RERE: variants seen among roughly 807,000 people sequenced by gnomAD.
RERE encodes the protein arginine-glutamic acid dipeptide repeats, also known as arginine-glutamic acid dipeptide repeats protein.
RERE carries 40 observed loss-of-function variants against 146.1 expected under a neutral mutation model. The observed-to-expected ratio is 0.27, with a 90% CI of 0.21 to 0.36. The LOEUF is 0.36. Among genes scored for constraint, RERE ranks in the 10% least tolerant of loss-of-function variants. The probability of loss-of-function intolerance (pLI) is 1.00; values close to 1 mark genes in which losing one functional copy is unlikely to be tolerated. For synonymous variants in RERE, 1,003 were observed against 866.0 expected, an observed-to-expected ratio of 1.16 and a Z score of -2.78; for missense variants, 1,933 against 2,138.7, an observed-to-expected ratio of 0.90 and a Z score of 1.90.
chr1:8,630,148 C>T (rs1250200410), intron 2 of RERE, among the ~76,000 whole-genome samples: 1 of 152,144 alleles, frequency 6.6e-6, no homozygotes, highest in Non-Finnish European at 1.5e-5. Context: ...CCTCCATTTT[C>T]CAAGACACAC....
intron 1 of RERE, among the ~76,000 whole-genome samples, chr1:8,765,620 A>C (rs1235738324): frequency 6.6e-6 from 1 of 152,124 alleles, no homozygotes; most frequent in East Asian, 1.9e-4. Context: ...GGAGTTCAAA[A>C]CCAGCCAGGT....
At chr1:8,401,423 CAG>C (rs1643260420) in intron 12 of RERE, among the ~76,000 whole-genome samples, 1 of 151,726 alleles carries the variant, frequency 6.6e-6, no homozygotes, top group South Asian at 2.1e-4. Context: ...GCCTGCGCAA[CAG>C]AGTGAGAACC....
chr1:8,811,381 A>G (rs1038860578), intron 1 of RERE, among the ~76,000 whole-genome samples: 7 of 152,154 alleles, frequency 4.6e-5, no homozygotes, highest in African/African-American at 1.7e-4. Context: ...CCAAGGTAGG[A>G]GGATCACTTG....
At chr1:8,793,893 A>G (rs1369634909) in intron 1 of RERE, among the ~76,000 whole-genome samples, 1 of 151,672 alleles carries the variant, frequency 6.6e-6, no homozygotes, top group Non-Finnish European at 1.5e-5. Context: ...GCAAAACCTC[A>G]TCTCTACTAA....
At chr1:8,467,042 C>T (rs1369033397) in intron 10 of RERE, among the ~76,000 whole-genome samples, 1 of 152,200 alleles carries the variant, frequency 6.6e-6, no homozygotes, top group South Asian at 2.1e-4. Flanking sequence ...CTAAGACTTG[C>T]ATCTCCAGTG....
chr1:8,797,639 T>A (rs1054508153), intron 1 of RERE, among the ~76,000 whole-genome samples: 5 of 152,250 alleles, frequency 3.3e-5, no homozygotes, highest in Non-Finnish European at 7.3e-5. Context: ...CTTCAGGTTT[T>A]ATATTTAAAA....
rs1570014378 is a variant in RERE, at chr1:8,356,389, G to A, written c.4340-143C>T. On this transcript the variant is annotated intron_variant, in intron 20 of 22. Transcript: ENST00000400908. This position sits in a 1 kb window ranked among gnomAD's most constrained non-coding sequence, Gnocchi z 5.2. ...CTGGATGCACCACCTGGCTACAGGT[G>A]GCCCTGCCCCAAAGTGGCTGCCTCC... The A allele has an allele frequency of 2.0e-6, 2 of 988,104 alleles. No individual in the cohort carries two copies. Among genetic ancestry groups the A allele is most frequent in the East Asian group, 3.3e-5 (1 of 30,318 alleles). 61.2% of individuals were successfully genotyped at this position (988,104 alleles called of 1,614,324 possible).
intron 10 of RERE, among the ~76,000 whole-genome samples, chr1:8,481,222 T>A (rs1644829751): frequency 6.6e-6 from 1 of 152,188 alleles, no homozygotes; most frequent in Non-Finnish European, 1.5e-5. Flanking sequence ...GTTCAAGCGA[T>A]TCTCCTGCCT....
chr1:8,601,817 G>A (rs1025414461), intron 4 of RERE, among the ~76,000 whole-genome samples: 4 of 151,336 alleles, frequency 2.6e-5, no homozygotes, highest in Admixed American at 1.3e-4. Flanking sequence ...AGAGAGAACC[G>A]AAGGCATTTG....
intron 12 of RERE, among the ~76,000 whole-genome samples, chr1:8,372,276 T>C (rs941337642): frequency 6.6e-6 from 1 of 152,164 alleles, no homozygotes; most frequent in Non-Finnish European, 1.5e-5. Context: ...GAAGCTGACA[T>C]GGAGGCAGGA....
chr1:8,530,314 A>G (rs986910539), intron 7 of RERE, among the ~76,000 whole-genome samples: 3 of 152,230 alleles, frequency 2.0e-5, no homozygotes, highest in Non-Finnish European at 2.9e-5. Context: ...CTAAAATTAA[A>G]AAAACCACTT....
chr1:8,371,702 C>T (rs1642043120), intron 12 of RERE, among the ~76,000 whole-genome samples: 1 of 152,232 alleles, frequency 6.6e-6, no homozygotes, highest in African/African-American at 2.4e-5. Context: ...GACATCAGCA[C>T]AGGTCTTTAA....
intron 12 of RERE, among the ~76,000 whole-genome samples, chr1:8,404,518 A>G (rs1391195042): frequency 6.6e-6 from 1 of 152,202 alleles, no homozygotes; most frequent in Non-Finnish European, 1.5e-5. Context: ...TCAGCCTCCC[A>G]AAGTGCTGAG....
rs766986660 is a variant in RERE, at chr1:8,728,016, T to TCAGCCAACG, written c.-144-71584_-144-71576dup. Among the ~76,000 whole-genome samples, 4 of 152,212 alleles carry TCAGCCAACG rather than the reference T, an allele frequency of 2.6e-5. 1 individual carries two copies. Among genetic ancestry groups the TCAGCCAACG allele is most frequent in the African/African-American group, 4.8e-5 (2 of 41,452 alleles). On this transcript the variant is annotated intron_variant, in intron 1 of 22. Coordinates refer to ENST00000400908, the MANE Select transcript of RERE (RefSeq NM_001042681.2). ...ACATTTGACCACATGCACACGAACC[T>TCAGCCAACG]CAGCCAACGCAGCCAACGCTCCCCA...
intron 1 of RERE, among the ~76,000 whole-genome samples, chr1:8,708,130 C>T (rs143259961): frequency 2.5e-3 from 385 of 152,150 alleles, no homozygotes; most frequent in African/African-American, 8.9e-3. Context: ...ATACAGAATA[C>T]GGAGGGATAT....
rs550675642 is a variant in RERE, at chr1:8,354,834, T to TATCC, written c.*252_*253insGGAT. ...CAAGATTGCAGGGAAGCTTTCTGGA[T>TATCC]GTTCAGTCCAGTCCAGGACTCACTA... On this transcript the variant is annotated 3_prime_UTR_variant, in exon 23 of 23. Coordinates refer to ENST00000400908, the MANE Select transcript of RERE (RefSeq NM_001042681.2). 9.0e-4 allele frequency: 439 copies of TATCC among 489,452 alleles called. 2 individuals are homozygous for TATCC. Among genetic ancestry groups the TATCC allele is most frequent in the African/African-American group, 7.2e-3 (355 of 49,620 alleles). The allele number at this position is 489,452 out of a possible 1,614,324, so 30.3% of individuals were successfully genotyped here. A position where few individuals can be genotyped will look rare whatever the true frequency, so the allele number is the denominator to read the frequency against.
intron 11 of RERE, chr1:8,428,384 T>C (rs1373550034): frequency 2.0e-5 from 3 of 152,202 alleles, no homozygotes; most frequent in Non-Finnish European, 2.9e-5. Flanking sequence ...TGTACCCCCA[T>C]AGCCAGGTGA....
At chr1:8,458,597 A>G (rs1644483959) in intron 11 of RERE, among the ~76,000 whole-genome samples, 1 of 152,164 alleles carries the variant, frequency 6.6e-6, no homozygotes, top group East Asian at 1.9e-4. Flanking sequence ...ATATACATAC[A>G]CACACACGGC....
At chr1:8,788,732 A>ATAT (rs1400005686) in intron 1 of RERE, among the ~76,000 whole-genome samples, 1 of 151,764 alleles carries the variant, frequency 6.6e-6, no homozygotes, top group Non-Finnish European at 1.5e-5. Flanking sequence ...TATTGCACAA[A>ATAT]TATTTACTAA....
Sources: allele counts gnomAD v4.1 joint callset (sites outside exome capture counted in the v4.1 genomes callset), GRCh38; gene constraint gnomAD v4.1.1; non-coding constraint Gnocchi (gnomAD v3.1); transcripts MANE v1.5; gene names NCBI Gene and HGNC (gene_info 2026-07-23, HGNC 2026-07-21).